HNRNPH1: variants seen among roughly 807,000 people sequenced by gnomAD.
HNRNPH1 encodes the protein heterogeneous nuclear ribonucleoprotein H.
Under a neutral mutation model 58.6 loss-of-function variants are expected in HNRNPH1, and 4 were observed. The ratio of observed to expected loss-of-function variants is 0.07; its 90% CI spans 0.03 to 0.16. HNRNPH1 has a LOEUF of 0.16. Among genes scored for constraint, HNRNPH1 ranks in the 10% least tolerant of loss-of-function variants. The probability of loss-of-function intolerance (pLI) is 1.00; values close to 1 mark genes in which losing one functional copy is unlikely to be tolerated. For missense variants in HNRNPH1, 271 were observed against 564.2 expected, an observed-to-expected ratio of 0.48 and a Z score of 5.26; for synonymous variants, 192 against 189.2, an observed-to-expected ratio of 1.01 and a Z score of -0.12.
At chr5:179,625,262 G>A (rs6885050), upstream of HNRNPH1, among the ~76,000 whole-genome samples, 4,528 of 152,226 alleles carry the variant, frequency 0.03, 121 homozygotes, top group Non-Finnish European at 0.039. Context: ...TTGGGAGGCC[G>A]AGGCAGGCAG....
chr5:179,620,190 A>G (rs1226632116), intron 3 of HNRNPH1, among the ~76,000 whole-genome samples: 1 of 152,234 alleles, frequency 6.6e-6, no homozygotes, highest in Admixed American at 6.5e-5. Context: ...AAACCATGAA[A>G]GGATTTCCTG....
upstream of HNRNPH1, chr5:179,624,787 G>A: frequency 2.6e-6 from 1 of 391,576 alleles, no homozygotes; most frequent in Non-Finnish European, 4.5e-6. Context: ...AGGTAGTGCT[G>A]GACCCTGCCG....
At chr5:179,620,599 T>G (rs1201903711) in intron 3 of HNRNPH1, 3 of 306,772 alleles carry the variant, frequency 9.8e-6, no homozygotes, top group Non-Finnish European at 1.8e-5. Context: ...CTTGAGGTAC[T>G]TAGCTGGACA....
chr5:179,616,051 A>G (rs1220197978), intron 11 of HNRNPH1, 75 bp downstream of exon 12: 5 of 1,291,884 alleles, frequency 3.9e-6, no homozygotes, highest in East Asian at 4.6e-5. Flanking sequence ...AGGCTTTACC[A>G]TAACTTACTC....
chr5:179,633,710 T>A lies in HNRNPH1; in HGVS notation c.-32+355A>T, dbSNP rs138373412. ...TGGGCAGATTGCCTAAGCTCAGTAG[T>A]TTGAGACCAGCCTGGGCAACACGGT... On this transcript the variant is annotated intron_variant, in intron 2 of 4. Coordinates refer to the HNRNPH1 transcript ENST00000521116. Among the ~76,000 whole-genome samples the A allele has an allele frequency of 3.1e-3, 468 of 152,088 alleles. 4 individuals carry two copies. Among genetic ancestry groups the A allele is most frequent in the African/African-American group, 0.011 (452 of 41,500 alleles).
upstream of HNRNPH1, among the ~76,000 whole-genome samples, chr5:179,625,244 C>T (rs1774265703): frequency 6.6e-6 from 1 of 152,100 alleles, no homozygotes. Context: ...TCGTGTAATA[C>T]CAGCATTTTG....
chr5:179,624,256 G>A, exon 1 of HNRNPH1: 1 of 369,552 alleles, frequency 2.7e-6, no homozygotes, highest in East Asian at 3.9e-5. Flanking sequence ...TCCCGCGCCC[G>A]AAGCCACCCG....
At chr5:179,616,450 A>C (rs1769721868) in intron 10 of HNRNPH1, 1 of 557,392 alleles carries the variant, frequency 1.8e-6, no homozygotes, top group Non-Finnish European at 3.2e-6. Context: ...CAGGACTAAA[A>C]TCAACATGAT....
chr5:179,623,141 T>TA (rs1199683356), exon 1 of HNRNPH1: 6 of 1,598,226 alleles, frequency 3.8e-6, no homozygotes, highest in South Asian at 1.1e-5. Flanking sequence ...CATCGTCTCT[T>TA]ACGCGGTCCG....
exon 1 of HNRNPH1, chr5:179,623,198 C>A: frequency 1.6e-6 from 2 of 1,226,676 alleles, no homozygotes; most frequent in Non-Finnish European, 2.4e-6. Flanking sequence ...CTGAGAGCGC[C>A]AATTAAGCTG....
In HNRNPH1 at chr5:179,619,202, G is replaced by A. The variant is rs1336602515; in HGVS notation, c.536+67C>T. The A allele has an allele frequency of 1.3e-5, 17 of 1,316,192 alleles. No homozygotes were observed. In the East Asian group the frequency reaches 2.8e-4, roughly 21 times the overall value. The allele number at this position is 1,316,192 out of a possible 1,614,324, so 81.5% of individuals were successfully genotyped here. A position where few individuals can be genotyped will look rare whatever the true frequency, so the allele number is the denominator to read the frequency against. ...AAACATTAATTTCTTCTTTTAAGCA[G>A]AGAGAATATGGATTTAATTGTTTAC... On this transcript the variant is annotated intron_variant, in intron 4 of 12. Coordinates refer to ENST00000356731, the Ensembl canonical transcript of HNRNPH1.
At chr5:179,617,381 C>G (rs1243986356) in intron 8 of HNRNPH1, 133 bp downstream of exon 9, 4 of 1,072,604 alleles carry the variant, frequency 3.7e-6, no homozygotes, top group East Asian at 4.7e-5. Flanking sequence ...ACACACTGCC[C>G]CCGCATCCCC....
At chr5:179,621,585 A>G (rs897112253) in intron 1 of HNRNPH1, 188 bp from the exon 3 acceptor site, 9 of 585,892 alleles carry the variant, frequency 1.5e-5, no homozygotes, top group East Asian at 5.6e-5. Context: ...CTAAGGTGAT[A>G]TATTTCCAAC....
rs187310566 is a variant in HNRNPH1, at chr5:179,619,775, T to C, written c.398-368A>G. 253 of 155,972 alleles carry C rather than the reference T, an allele frequency of 1.6e-3. 3 individuals are homozygous for C. The highest frequency in any genetic ancestry group is 5.8e-3 in the African/African-American group (243 of 41,738). 9.7% of individuals were successfully genotyped at this position (155,972 alleles called of 1,614,324 possible). A position where few individuals can be genotyped will look rare whatever the true frequency, so the allele number is the denominator to read the frequency against. ...AAATTCAAAACACCTTTTACCTCAT[T>C]TTATATTTCAATGCTTTAAGTTATT... On this transcript the variant is annotated intron_variant, in intron 3 of 12. Transcript: ENST00000356731.
upstream of HNRNPH1, among the ~76,000 whole-genome samples, chr5:179,625,897 T>G (rs1774347254): frequency 6.6e-6 from 1 of 151,588 alleles, no homozygotes; most frequent in South Asian, 2.1e-4. Flanking sequence ...GCCTCCTGAG[T>G]AGGTAGGACC....
intron 12 of HNRNPH1, chr5:179,615,299 A>T: frequency 2.2e-6 from 1 of 455,142 alleles, no homozygotes; most frequent in Non-Finnish European, 3.9e-6. Context: ...AAAAAAATTT[A>T]ACATAAACAT....
At chr5:179,618,159 C>G in exon 5 of HNRNPH1, 1 of 1,613,902 alleles carries the variant, frequency 6.2e-7, no homozygotes. Flanking sequence ...ACCATAAGCA[C>G]CACGCCTCAT....
At chr5:179,622,228 G>A (rs892589793) in intron 1 of HNRNPH1, among the ~76,000 whole-genome samples, 3 of 152,162 alleles carry the variant, frequency 2.0e-5, no homozygotes, top group Non-Finnish European at 4.4e-5. Flanking sequence ...ATCTTGATTA[G>A]GAAAACTGAA....
chr5:179,632,752 TC>T (rs1359563355), intron 2 of HNRNPH1, among the ~76,000 whole-genome samples: 2 of 99,272 alleles, frequency 2.0e-5, no homozygotes, highest in Admixed American at 1.2e-4. Flanking sequence ...AAATCAAATA[TC>T]TTTTTTTTTT....
Sources: allele counts gnomAD v4.1 joint callset (sites outside exome capture counted in the v4.1 genomes callset), GRCh38; gene constraint gnomAD v4.1.1; transcripts MANE v1.5; gene names NCBI Gene and HGNC (gene_info 2026-07-23, HGNC 2026-07-21).